Variants in DNALI1 observed in about 807,000 individuals in gnomAD.
The protein encoded by DNALI1 is axonemal dynein light intermediate polypeptide 1.
Under a neutral mutation model 33.9 loss-of-function variants are expected in DNALI1, and 31 were observed. The observed-to-expected ratio is 0.91, with a 90% CI of 0.69 to 1.23. The LOEUF is 1.23. DNALI1 is among the 50% of genes most tolerant of loss of function. DNALI1 has a pLI of 0.00. For synonymous variants in DNALI1, 117 were observed against 129.2 expected (o/e 0.91, Z 0.64); for missense variants, 305 against 323.8 (o/e 0.94, Z 0.44).
chr1:37,561,629 T>G lies in DNALI1; in HGVS notation c.470T>G (p.Ile157Ser). ...CTGCTGCTGCGAGTCCGGGACGAGA[T>G]CCGCATGACCATCGCTGCCTACCAG... ...GLLLLRVRDE[I>S]RMTIAAYQTL... The change falls in exon 4 of 6, where the codon ATC (isoleucine) becomes AGC (serine). Residue 157 changes from isoleucine to serine, a missense_variant. By Grantham distance (142) the Ile-to-Ser change is moderately radical (BLOSUM62 -2). Transcript: ENST00000652629. This position sits in a 1 kb window ranked among gnomAD's most constrained non-coding sequence, Gnocchi z 4.6. The G allele has an allele frequency of 6.2e-7, 1 of 1,613,822 alleles. No individual in the cohort carries two copies. Among genetic ancestry groups the G allele is most frequent in the Non-Finnish European group, 8.5e-7 (1 of 1,179,912 alleles).
intron 5 of DNALI1, 119 bp from the exon 6 acceptor site, chr1:37,564,907 A>C: frequency 9.3e-7 from 1 of 1,074,712 alleles, no homozygotes; most frequent in Non-Finnish European, 1.4e-6. Flanking sequence ...ATCAAGGGGA[A>C]AAAGAACCCT....
At chr1:37,560,472 C>A (rs1009073211) in intron 3 of DNALI1, 4 of 152,254 alleles carry the variant, frequency 2.6e-5, no homozygotes, top group African/African-American at 9.6e-5. Context: ...ACATCCTGCA[C>A]AGCCGTAGAT....
chr1:37,556,998 A>C lies in DNALI1; in HGVS notation c.4A>C (p.Ile2Leu), dbSNP rs1184199026. 3 of 1,614,068 alleles carry C rather than the reference A, an allele frequency of 1.9e-6. No individual in the cohort carries two copies. Among genetic ancestry groups the C allele is most frequent in the Non-Finnish European group, 2.5e-6 (3 of 1,180,028 alleles). The part of the protein sequence containing the change: M[I>L]PPADSLLKYD... ...GGTTGCTACTCTCGCCTCCGCCATG[A>C]TTCCGCCCGCAGACTCTTTGCTCAA... is the stretch of plus-strand genomic sequence containing the variant. Residue 2 changes from isoleucine (I) to leucine (L), a missense_variant, in exon 1 of 6, where the codon ATT becomes CTT. Transcript: ENST00000652629.
At position 37,557,948 on chromosome 1, in the gene DNALI1, C is replaced by G. The variant is rs1050977726; in HGVS notation, c.227+200C>G. The G allele has an allele frequency of 7.6e-6, 5 of 657,826 alleles. No homozygotes were observed. The African/African-American group carries it at 9.2e-5, about 12-fold the overall frequency. The allele number at this position is 657,826 out of a possible 1,614,324, so 40.7% of individuals were successfully genotyped here. ...TCAATCTACCCTCATTTCCTGCATG[C>G]TGTCACCCAATCTCATGGCTTTAGA... is the stretch of plus-strand genomic sequence containing the variant. On this transcript the variant is annotated intron_variant, in intron 2 of 5. Transcript: ENST00000652629.
intron 5 of DNALI1, 123 bp from the exon 6 acceptor site, chr1:37,564,903 G>A: frequency 9.9e-7 from 1 of 1,008,078 alleles, no homozygotes; most frequent in African/African-American, 1.6e-5. Context: ...GGGGATCAAG[G>A]GGAAAAAGAA....
In DNALI1 at chr1:37,559,982, T is replaced by C. The variant is rs1414026566; in HGVS notation, c.397+486T>C. 2.0e-5 allele frequency among the ~76,000 whole-genome samples: 3 copies of C among 152,364 alleles called. No individual in the cohort carries two copies. The highest frequency in any genetic ancestry group is 2.0e-4 in the Admixed American group (3 of 15,308). On this transcript the variant is annotated intron_variant, in intron 3 of 5. Coordinates refer to ENST00000652629, the MANE Select transcript of DNALI1 (RefSeq NM_003462.5). This position sits in a 1 kb window ranked among gnomAD's most constrained non-coding sequence, Gnocchi z 5.3. ...CGAATAAGTTCAAGGGAAGGTACTA[T>C]GCCTGGATGTGCACGTAGGCCGGAT...
In DNALI1 at chr1:37,562,005, A is replaced by G; in HGVS notation, c.577-76A>G. ...ATATACCCTGGCAATGTCATGTCCCATGTCCCTTCCACCCAGGCTCACACC... is the reference window on the plus strand; with the variant it reads ...ATATACCCTGGCAATGTCATGTCCCGTGTCCCTTCCACCCAGGCTCACACC... On this transcript the variant is annotated intron_variant, in intron 4 of 5. Transcript: ENST00000652629. This position sits in a 1 kb window ranked among gnomAD's most constrained non-coding sequence, Gnocchi z 5.8. 1.3e-6 allele frequency: 2 copies of G among 1,599,098 alleles called. No homozygotes were observed. The highest frequency in any genetic ancestry group is 2.2e-5 in the East Asian group (1 of 44,724).
At chr1:37,564,434 G>A (rs145080125) in intron 5 of DNALI1, among the ~76,000 whole-genome samples, 5 of 151,602 alleles carry the variant, frequency 3.3e-5, no homozygotes, top group African/African-American at 1.2e-4. Context: ...CCAGGCTGGA[G>A]TGCAGTGGCA....
chr1:37,560,226 C>T (rs1187180949), intron 3 of DNALI1, among the ~76,000 whole-genome samples: 3 of 152,210 alleles, frequency 2.0e-5, no homozygotes, highest in African/African-American at 7.2e-5. Flanking sequence ...TTTTACTAAT[C>T]CTCCTCAGCA....
At chr1:37,560,444 A>G (rs1191117199) in intron 3 of DNALI1, 3 of 152,220 alleles carry the variant, frequency 2.0e-5, no homozygotes, top group African/African-American at 7.2e-5. Context: ...CTGCCTGTAA[A>G]CATTTTGTTA....
Position 37,565,056 on chromosome 1 carries a change from A to T in DNALI1, c.772A>T (p.Lys258Ter), listed in dbSNP as rs1248939336. ...AQLEGIIAPK[K>*] ...ACTGGAAGGCATTATTGCACCAAAG[A>T]AGTGATAATTTCCACATGATTAATT... The change falls in exon 6 of 6, where the codon AAG becomes TAG. Residue 258 changes from lysine to a stop codon, truncating the protein, a stop_gained. Coordinates refer to ENST00000652629, the MANE Select transcript of DNALI1 (RefSeq NM_003462.5). LOFTEE classifies it high-confidence loss of function. 1.2e-6 allele frequency: 2 copies of T among 1,614,180 alleles called. No individual in the cohort carries two copies. Among genetic ancestry groups the T allele is most frequent in the Non-Finnish European group, 8.5e-7 (1 of 1,180,016 alleles).
intron 5 of DNALI1, among the ~76,000 whole-genome samples, chr1:37,563,906 A>T (rs982370013): frequency 1.3e-5 from 2 of 152,170 alleles, no homozygotes; most frequent in African/African-American, 4.8e-5. Context: ...AACATAGTAA[A>T]TAACTCCCAA....
In DNALI1 at chr1:37,566,823, T is replaced by C. The variant is rs1449525518; in HGVS notation, c.*1762T>C. 8 of 1,601,000 alleles carry C rather than the reference T, an allele frequency of 5.0e-6. No individual in the cohort carries two copies. The highest frequency in any genetic ancestry group is 5.1e-6 in the Non-Finnish European group (6 of 1,170,122). On this transcript the variant is annotated 3_prime_UTR_variant, in exon 6 of 6. Transcript: ENST00000652629. ...GAAAACACAATTTCTAACTGCCTGT[T>C]TTTGTATAATTTAATAAAAACCTTT... is the stretch of plus-strand genomic sequence containing the variant.
intron 5 of DNALI1, among the ~76,000 whole-genome samples, chr1:37,563,668 T>C (rs11585844): frequency 0.051 from 7,735 of 152,110 alleles, 282 homozygotes; most frequent in Non-Finnish European, 0.077. Context: ...TTTCTGTATT[T>C]TGAATAGAGA....
Position 37,559,268 on chromosome 1 carries a change from C to T in DNALI1, c.228-59C>T, listed in dbSNP as rs919865715. The T allele has an allele frequency of 1.1e-5, 17 of 1,495,032 alleles. No individual in the cohort carries two copies. In the East Asian group the frequency reaches 1.7e-4, roughly 15 times the overall value. The allele number at this position is 1,495,032 out of a possible 1,614,324, so 92.6% of individuals were successfully genotyped here. A position where few individuals can be genotyped will look rare whatever the true frequency, so the allele number is the denominator to read the frequency against. On this transcript the variant is annotated intron_variant, in intron 2 of 5. Transcript: ENST00000652629. The surrounding 1 kb of genome is among the most constrained non-coding windows in gnomAD (Gnocchi z 5.3). ...CAGAGGGCTCAAAGGGCCCTCTGCTCATGTGCTAGGGACCTTCAAGTCAAC... is the reference window on the plus strand; with the variant it reads ...CAGAGGGCTCAAAGGGCCCTCTGCTTATGTGCTAGGGACCTTCAAGTCAAC...
chr1:37,563,481 T>C (rs1397928578), intron 5 of DNALI1, among the ~76,000 whole-genome samples: 1 of 152,206 alleles, frequency 6.6e-6, no homozygotes, highest in Non-Finnish European at 1.5e-5. Flanking sequence ...TCTTTAGAAG[T>C]TGGCATTTTT....
intron 3 of DNALI1, among the ~76,000 whole-genome samples, chr1:37,560,089 C>CA (rs1643420195): frequency 1.3e-5 from 2 of 152,246 alleles, no homozygotes; most frequent in Admixed American, 6.5e-5. Flanking sequence ...CGCCTCCCGC[C>CA]ACAGGGCGTT....
chr1:37,557,978 AC>A (rs1460688910), intron 2 of DNALI1: 54 of 538,132 alleles, frequency 1.0e-4, no homozygotes, highest in African/African-American at 9.7e-4. Flanking sequence ...TTTAGATACC[AC>A]CTATGTGCTG....
Position 37,559,497 on chromosome 1 carries a change from G to A in DNALI1, c.397+1G>A. The A allele has an allele frequency of 6.2e-7, 1 of 1,602,932 alleles. No homozygotes were observed. The highest frequency in any genetic ancestry group is 8.5e-7 in the Non-Finnish European group (1 of 1,174,014). On this transcript the variant is annotated splice_donor_variant, in intron 3 of 5. Coordinates refer to ENST00000652629, the MANE Select transcript of DNALI1 (RefSeq NM_003462.5). LOFTEE classifies it high-confidence loss of function. This position sits in a 1 kb window ranked among gnomAD's most constrained non-coding sequence, Gnocchi z 5.3. The stretch of plus-strand genomic sequence containing the variant: ...AGGGAACTCTACTCACAGTGTTTTG[G>A]TGAGTGAGCCAGGTGAGGGGTGGGC...
Sources: gnomAD v4.1 joint callset for allele counts (sites outside exome capture counted in the v4.1 genomes callset) on GRCh38, gnomAD v4.1.1 for gene constraint, Gnocchi (gnomAD v3.1) non-coding constraint, MANE v1.5 for transcripts, NCBI Gene and HGNC (gene_info 2026-07-23, HGNC 2026-07-21) for gene names.